SPAG17: variants seen among roughly 807,000 people sequenced by gnomAD.
The protein encoded by SPAG17 is sperm associated antigen 17.
Under a neutral mutation model 273.6 loss-of-function variants are expected in SPAG17, and 169 were observed. The observed-to-expected ratio is 0.62, with a 90% CI of 0.55 to 0.70. SPAG17 has a LOEUF of 0.70. SPAG17 is among the 30% of genes least tolerant of loss of function. The pLI is 0.00. For synonymous variants in SPAG17, 825 were observed against 873.2 expected (o/e 0.94, Z 0.97); for missense variants, 2,557 against 2,627.8 (o/e 0.97, Z 0.59).
chr1:118,129,755 CT>C (rs1000228609), intron 3 of SPAG17, among the ~76,000 whole-genome samples: 66 of 127,864 alleles, frequency 5.2e-4, no homozygotes, highest in Non-Finnish European at 8.4e-4. Context: ...TTGTTTTTTT[CT>C]TTTTCTTTCT....
intron 20 of SPAG17, among the ~76,000 whole-genome samples, chr1:118,047,880 A>C (rs1650544532): frequency 6.6e-6 from 1 of 152,128 alleles, no homozygotes; most frequent in Non-Finnish European, 1.5e-5. Flanking sequence ...ACCAGGTTTC[A>C]GACCAGCCCG....
intron 1 of SPAG17, among the ~76,000 whole-genome samples, chr1:118,154,336 A>G (rs1016961178): frequency 6.6e-6 from 1 of 152,226 alleles, no homozygotes; most frequent in African/African-American, 2.4e-5. Context: ...AACCTGAGCA[A>G]ACATGACAGG....
At chr1:118,050,419 G>C (rs1478913267) in intron 20 of SPAG17, among the ~76,000 whole-genome samples, 1 of 152,138 alleles carries the variant, frequency 6.6e-6, no homozygotes, top group Non-Finnish European at 1.5e-5. Flanking sequence ...TTTCTTCTGA[G>C]GAGGCAAGAA....
chr1:118,128,548 TTTCTACC>T (rs1216761525), intron 3 of SPAG17, among the ~76,000 whole-genome samples: 1 of 152,106 alleles, frequency 6.6e-6, no homozygotes. Flanking sequence ...CCACCTCCAT[TTTCTACC>T]TTCCTTCTCT....
chr1:118,049,119 G>A (rs1056320783), intron 20 of SPAG17, among the ~76,000 whole-genome samples: 2 of 151,952 alleles, frequency 1.3e-5, no homozygotes. Flanking sequence ...AGGACCTGAC[G>A]GCTTTACTAA....
chr1:118,085,546 A>G (rs1654929335), intron 13 of SPAG17, among the ~76,000 whole-genome samples: 3 of 143,140 alleles, frequency 2.1e-5, no homozygotes, highest in Non-Finnish European at 4.7e-5. Context: ...GCGCACACAC[A>G]CACACACACA....
intron 1 of SPAG17, among the ~76,000 whole-genome samples, chr1:118,179,466 A>G (rs1660842879): frequency 6.6e-6 from 1 of 152,092 alleles, no homozygotes; most frequent in Non-Finnish European, 1.5e-5. Flanking sequence ...ACTTAAATCT[A>G]ATACCTGAAA....
At chr1:118,008,292 C>G in intron 30 of SPAG17, 94 bp from the exon 31 acceptor site, 1 of 1,416,938 alleles carries the variant, frequency 7.1e-7, no homozygotes, top group Non-Finnish European at 9.7e-7. Context: ...TCCTGGCTGT[C>G]TGGATTCCCC....
chr1:118,157,528 TC>T (rs1280392107), intron 1 of SPAG17, among the ~76,000 whole-genome samples: 1 of 151,990 alleles, frequency 6.6e-6, no homozygotes, highest in Non-Finnish European at 1.5e-5. Flanking sequence ...TTTCCCTACT[TC>T]CCCACTCAGG....
chr1:118,062,245 T>C (rs1652389884), intron 18 of SPAG17, among the ~76,000 whole-genome samples: 1 of 150,392 alleles, frequency 6.6e-6, no homozygotes, highest in South Asian at 2.1e-4. Flanking sequence ...CGGGCGCCTG[T>C]AGTCCCAGCT....
At chr1:118,007,496 G>A (rs1402360442) in intron 31 of SPAG17, among the ~76,000 whole-genome samples, 1 of 152,204 alleles carries the variant, frequency 6.6e-6, no homozygotes, top group Non-Finnish European at 1.5e-5. Context: ...GTTTAAAGGG[G>A]AAATGCAGAA....
chr1:118,006,444 T>A lies in SPAG17; in HGVS notation c.4588-842A>T, dbSNP rs575823873. 5.2e-5 allele frequency among the ~76,000 whole-genome samples: 8 copies of A among 152,386 alleles called. No individual in the cohort carries two copies. In the South Asian group the frequency reaches 8.3e-4, roughly 16 times the overall value. ...ACAGTACTTTATTCCATTTTATGGA[T>A]AAGTAATATTCCATTGTATGGCTAT... is the stretch of plus-strand genomic sequence containing the variant. On this transcript the variant is annotated intron_variant, in intron 31 of 48. Coordinates refer to ENST00000336338, the MANE Select transcript of SPAG17 (RefSeq NM_206996.4).
chr1:118,019,102 T>C (rs757373720), intron 28 of SPAG17, among the ~76,000 whole-genome samples: 36 of 145,866 alleles, frequency 2.5e-4, no homozygotes, highest in Non-Finnish European at 4.5e-4. Flanking sequence ...TAAGAAAAAA[T>C]TATCATCTCA....
intron 43 of SPAG17, among the ~76,000 whole-genome samples, chr1:117,974,957 C>A (rs1654979548): frequency 3.9e-5 from 6 of 152,134 alleles, no homozygotes; most frequent in Admixed American, 3.3e-4. Context: ...TATGCAAACT[C>A]CTGCCACACA....
chr1:118,098,313 C>T (rs902592636), intron 6 of SPAG17, among the ~76,000 whole-genome samples: 1 of 152,010 alleles, frequency 6.6e-6, no homozygotes, highest in African/African-American at 2.4e-5. Context: ...TTTCAGTTAC[C>T]TTTTGGTCAC....
chr1:118,131,376 T>C (rs1658043766), intron 3 of SPAG17, among the ~76,000 whole-genome samples: 1 of 152,200 alleles, frequency 6.6e-6, no homozygotes, highest in African/African-American at 2.4e-5. Flanking sequence ...TTTATTCAAG[T>C]GTCACCATCC....
At chr1:118,020,599 A>G (rs1660408708) in intron 28 of SPAG17, among the ~76,000 whole-genome samples, 1 of 152,198 alleles carries the variant, frequency 6.6e-6, no homozygotes, top group African/African-American at 2.4e-5. Flanking sequence ...TATTTATTTC[A>G]CAAATTAAGA....
Position 118,051,248 on chromosome 1 carries a change from T to C in SPAG17, c.2814+2754A>G, listed in dbSNP as rs148071828. On this transcript the variant is annotated intron_variant, in intron 20 of 48. Transcript: ENST00000336338. Reference sequence around the variant, plus strand: ...GAGAAAAAAGACAAGATAATAAATGTTGGGGAGGATGTGGAGAAAAGAGAA... The same window carrying C: ...GAGAAAAAAGACAAGATAATAAATGCTGGGGAGGATGTGGAGAAAAGAGAA... Among the ~76,000 whole-genome samples, 180 of 152,034 alleles carry C rather than the reference T, an allele frequency of 1.2e-3. 2 individuals carry two copies. The highest frequency in any genetic ancestry group is 2.9e-3 in the East Asian group (15 of 5,170).
chr1:118,145,020 TTTTTG>T (rs1206794376), intron 3 of SPAG17, among the ~76,000 whole-genome samples: 1 of 152,176 alleles, frequency 6.6e-6, no homozygotes, highest in Non-Finnish European at 1.5e-5. Context: ...TTCCAGAATT[TTTTTG>T]TTTTGTTTTA....
Sources: gnomAD v4.1 joint callset for allele counts (sites outside exome capture counted in the v4.1 genomes callset) on GRCh38, gnomAD v4.1.1 for gene constraint, MANE v1.5 for transcripts, NCBI Gene and HGNC (gene_info 2026-07-23, HGNC 2026-07-21) for gene names.